The following FREM1 variants were observed in gnomAD, a reference collection of about 807,000 sequenced individuals.
The protein encoded by FREM1 is FRAS1 related extracellular matrix 1.
A neutral mutation model predicts 210.1 loss-of-function variants in FREM1; 220 were observed. The ratio of observed to expected loss-of-function variants is 1.05; its 90% CI spans 0.94 to 1.17. The LOEUF (loss-of-function observed/expected upper bound fraction) is 1.17, where lower values mean the gene tolerates loss of function less well. Among genes scored for constraint, FREM1 ranks in the 50% most tolerant of loss-of-function variants. The pLI, the probability that FREM1 is intolerant of heterozygous loss-of-function variation, is 0.00. For missense variants in FREM1, 3,454 were observed against 2,675.5 expected (o/e 1.29, Z -6.42); for synonymous variants, 1,189 against 980.2 (o/e 1.21, Z -3.98).
chr9:14,809,512 G>C (rs2133479489), intron 16 of FREM1, among the ~76,000 whole-genome samples: 1 of 152,256 alleles, frequency 6.6e-6, no homozygotes, highest in African/African-American at 2.4e-5. Context: ...GCAACCAAGT[G>C]TTCAAAGGAT....
chr9:14,904,404 G>A (rs1817326770), intron 1 of FREM1, among the ~76,000 whole-genome samples: 1 of 152,306 alleles, frequency 6.6e-6, no homozygotes, highest in South Asian at 2.1e-4. Context: ...AAGATCCACA[G>A]CTTTGATAAT....
intron 1 of FREM1, among the ~76,000 whole-genome samples, chr9:14,884,554 C>A (rs946126350): frequency 6.6e-6 from 1 of 152,104 alleles, no homozygotes; most frequent in African/African-American, 2.4e-5. Flanking sequence ...ATTTTTTGAA[C>A]AGAAGAAAAT....
intron 27 of FREM1, among the ~76,000 whole-genome samples, chr9:14,760,138 A>G (rs766932247): frequency 2.6e-5 from 4 of 152,216 alleles, no homozygotes; most frequent in African/African-American, 4.8e-5. Flanking sequence ...CCATTTCACA[A>G]ATGAAGAATC....
intron 1 of FREM1, among the ~76,000 whole-genome samples, chr9:14,886,278 C>T (rs998236101): frequency 7.1e-6 from 1 of 141,112 alleles, no homozygotes; most frequent in Non-Finnish European, 1.5e-5. Context: ...CCCAGCTACT[C>T]GGGAGGCTGA....
chr9:14,790,429 A>C (rs1344066135), intron 22 of FREM1, among the ~76,000 whole-genome samples: 1 of 152,148 alleles, frequency 6.6e-6, no homozygotes, highest in African/African-American at 2.4e-5. Flanking sequence ...CATAAGACCT[A>C]TTTGCCAATA....
At chr9:14,781,062 C>T (rs1044258223) in intron 24 of FREM1, among the ~76,000 whole-genome samples, 4 of 152,096 alleles carry the variant, frequency 2.6e-5, no homozygotes, top group Non-Finnish European at 5.9e-5. Flanking sequence ...TTTGGTACAA[C>T]GAGGTATAAT....
At chr9:14,785,417 C>A (rs1054448131) in intron 23 of FREM1, among the ~76,000 whole-genome samples, 6 of 152,124 alleles carry the variant, frequency 3.9e-5, no homozygotes, top group Non-Finnish European at 8.8e-5. Flanking sequence ...TGTTAATATT[C>A]CAGTCCTTCA....
chr9:14,769,804 TA>T lies in FREM1; in HGVS notation c.5123del (p.Ile1708LysfsTer7). 2 of 1,610,092 alleles carry T rather than the reference TA, an allele frequency of 1.2e-6. No homozygotes were observed. Among genetic ancestry groups the T allele is most frequent in the Non-Finnish European group, 1.7e-6 (2 of 1,176,908 alleles). On this transcript the variant is annotated frameshift_variant, in exon 27 of 37. Transcript: ENST00000380880. LOFTEE classifies it high-confidence loss of function. ...CTGAATTTACTTCCAAAGATGGGTT[TA>T]TGATGTAAAGAATAGTCTTACTGTT... ...DLNSKTILYI[I>X]NPSLEVNSDT...
At chr9:14,822,601 C>G (rs1453165017) in intron 13 of FREM1, among the ~76,000 whole-genome samples, 1 of 152,184 alleles carries the variant, frequency 6.6e-6, no homozygotes, top group Non-Finnish European at 1.5e-5. Context: ...GGGACATACT[C>G]TCAATGCAAA....
intron 3 of FREM1, among the ~76,000 whole-genome samples, chr9:14,860,644 T>C (rs993348180): frequency 8.5e-5 from 12 of 141,570 alleles, no homozygotes; most frequent in African/African-American, 3.2e-4. Context: ...TACACATGTA[T>C]ACATATATAC....
At chr9:14,887,554 G>A (rs1331389499) in intron 1 of FREM1, among the ~76,000 whole-genome samples, 1 of 152,150 alleles carries the variant, frequency 6.6e-6, no homozygotes, top group East Asian at 1.9e-4. Context: ...TCGTGATCTT[G>A]CCAAACACAA....
chr9:14,880,110 C>T (rs1263665110), intron 1 of FREM1, among the ~76,000 whole-genome samples: 2 of 152,042 alleles, frequency 1.3e-5, no homozygotes, highest in East Asian at 3.9e-4. Context: ...TCTCTCCGGC[C>T]ATGTGAGGCT....
At chr9:14,881,902 G>C (rs1834859627) in intron 1 of FREM1, among the ~76,000 whole-genome samples, 1 of 152,016 alleles carries the variant, frequency 6.6e-6, no homozygotes, top group South Asian at 2.1e-4. Flanking sequence ...TTTTCTTTAT[G>C]CTTCCCTCCA....
intron 1 of FREM1, among the ~76,000 whole-genome samples, chr9:14,888,124 A>T (rs1462278549): frequency 6.6e-6 from 1 of 152,208 alleles, no homozygotes; most frequent in Non-Finnish European, 1.5e-5. Context: ...CGTGTTTACT[A>T]TATAGTAGGT....
chr9:14,857,505 C>G (rs1261981841), intron 5 of FREM1, 48 bp downstream of exon 5: 2 of 1,490,174 alleles, frequency 1.3e-6, no homozygotes, highest in Non-Finnish European at 1.9e-6. Flanking sequence ...GTAACTGGCT[C>G]TCTTACTGTG....
intron 1 of FREM1, among the ~76,000 whole-genome samples, chr9:14,892,460 G>T (rs939623196): frequency 6.6e-6 from 1 of 152,080 alleles, no homozygotes; most frequent in Non-Finnish European, 1.5e-5. Flanking sequence ...ACCGAACTTG[G>T]GTTTGAGACC....
intron 1 of FREM1, among the ~76,000 whole-genome samples, chr9:14,890,694 A>T (rs2132363625): frequency 6.6e-6 from 1 of 152,342 alleles, no homozygotes; most frequent in South Asian, 2.1e-4. Context: ...TACTTCAGAA[A>T]TTCAAATTCC....
In FREM1 at chr9:14,823,156, A is replaced by G. The variant is rs777366125; in HGVS notation, c.2337+4T>C. ...TCATCCTCTATATAGAACATTGTAC[A>G]TACCTCAGGAACTTGATTGTCCACT... On this transcript the variant is annotated splice_donor_region_variant and intron_variant, in intron 13 of 36. Coordinates refer to ENST00000380880, the MANE Select transcript of FREM1 (RefSeq NM_001379081.2). The G allele has an allele frequency of 1.9e-6, 3 of 1,611,674 alleles. No individual in the cohort carries two copies. Among genetic ancestry groups the G allele is most frequent in the Non-Finnish European group, 2.5e-6 (3 of 1,177,868 alleles).
In FREM1 at chr9:14,774,248, G is replaced by A. The variant is rs1000260708; in HGVS notation, c.4857+1541C>T. On this transcript the variant is annotated intron_variant, in intron 25 of 36. Coordinates refer to ENST00000380880, the MANE Select transcript of FREM1 (RefSeq NM_001379081.2). ...CAACTTTGCAGGGTGTGTATTAGAT[G>A]GGATTACGTTTACATCAGTACATTT... 7 of 483,408 alleles carry A rather than the reference G, an allele frequency of 1.4e-5. No homozygotes were observed. In the Admixed American group the frequency reaches 1.6e-4, roughly 11 times the overall value. 29.9% of individuals were successfully genotyped at this position (483,408 alleles called of 1,614,324 possible). A position where few individuals can be genotyped will look rare whatever the true frequency, so the allele number is the denominator to read the frequency against.
Sources: allele counts gnomAD v4.1 joint callset (sites outside exome capture counted in the v4.1 genomes callset), GRCh38; gene constraint gnomAD v4.1.1; transcripts MANE v1.5; gene names NCBI Gene and HGNC (gene_info 2026-07-23, HGNC 2026-07-21).